Variants in MYO16 observed in about 807,000 individuals in gnomAD.
MYO16 encodes unconventional myosin-XVI.
In MYO16, 94 loss-of-function variants were observed where a neutral mutation model predicts 205.3. That is an observed-to-expected ratio of 0.46 (90% CI 0.39 to 0.54). The LOEUF (loss-of-function observed/expected upper bound fraction) is 0.54, where lower values mean the gene tolerates loss of function less well. MYO16 is among the 20% of genes least tolerant of loss of function. The pLI, the probability that MYO16 is intolerant of heterozygous loss-of-function variation, is 0.00. For missense variants in MYO16, 2,315 were observed against 2,387.5 expected (o/e 0.97, Z 0.63); for synonymous variants, 988 against 954.0 (o/e 1.04, Z -0.66).
intron 28 of MYO16, among the ~76,000 whole-genome samples, chr13:109,106,641 A>T (rs1889129265): frequency 6.6e-6 from 1 of 152,162 alleles, no homozygotes; most frequent in South Asian, 2.1e-4. Flanking sequence ...AGCCATCTGG[A>T]GGGATGACGA....
chr13:108,868,576 A>G (rs1369507129), intron 12 of MYO16, among the ~76,000 whole-genome samples: 1 of 152,110 alleles, frequency 6.6e-6, no homozygotes, highest in Non-Finnish European at 1.5e-5. Flanking sequence ...GTAGGGGTCA[A>G]GATTCATTTT....
intron 4 of MYO16, among the ~76,000 whole-genome samples, chr13:108,775,924 T>A (rs1886110281): frequency 6.6e-6 from 1 of 152,208 alleles, no homozygotes. Context: ...CTTAGCTTTG[T>A]CCTCTATCAT....
At chr13:108,997,221 G>T (rs1885031099) in intron 21 of MYO16, among the ~76,000 whole-genome samples, 1 of 151,726 alleles carries the variant, frequency 6.6e-6, no homozygotes, top group Non-Finnish European at 1.5e-5. Flanking sequence ...AACCTGGGAG[G>T]TTGAGGCTGC....
At chr13:108,744,230 G>T (rs962226629) in intron 4 of MYO16, among the ~76,000 whole-genome samples, 28 of 151,970 alleles carry the variant, frequency 1.8e-4, no homozygotes, top group African/African-American at 6.5e-4. Context: ...AGAAACGATT[G>T]ATTTTTTCCT....
At chr13:108,558,953 A>G in the MYO16 span, among the ~76,000 whole-genome samples, 2 of 151,338 alleles carry the variant, frequency 1.3e-5, no homozygotes, top group African/African-American at 4.9e-5. Context: ...CTTCACACAG[A>G]TCAATGAAGC....
chr13:108,680,114 A>T (rs1882400465), intron 2 of MYO16, among the ~76,000 whole-genome samples: 1 of 152,116 alleles, frequency 6.6e-6, no homozygotes, highest in Non-Finnish European at 1.5e-5. Context: ...CAGTGCCTGG[A>T]GCTGCTCCAA....
intron 33 of MYO16, among the ~76,000 whole-genome samples, chr13:109,168,613 G>A (rs895474981): frequency 2.0e-5 from 3 of 151,928 alleles, no homozygotes; most frequent in South Asian, 2.1e-4. Flanking sequence ...TAATCCCGGC[G>A]ACTCGGAAAG....
At chr13:108,498,903 T>C in the MYO16 span, among the ~76,000 whole-genome samples, 1 of 152,220 alleles carries the variant, frequency 6.6e-6, no homozygotes, top group Non-Finnish European at 1.5e-5. Flanking sequence ...GCCAATTTCC[T>C]ATGACTGAAT....
intron 31 of MYO16, among the ~76,000 whole-genome samples, chr13:109,135,085 T>C (rs1434151445): frequency 6.6e-6 from 1 of 152,106 alleles, no homozygotes; most frequent in Non-Finnish European, 1.5e-5. Flanking sequence ...TGTCCTCTTC[T>C]AACTGAAGAC....
rs1446693577 is a variant in MYO16, at chr13:109,206,748, C to A, written c.5555C>A (p.Pro1852Gln). ...HHAEPRVPPP[P>Q]PCKKPSLLKK... is the part of the protein sequence containing the mutation. ...GCTGAGCCCAGGGTGCCTCCCCCAC[C>A]ACCTTGCAAGAAGCCCAGCCTTCTG... Residue 1852 changes from proline (P) to glutamine (Q), a missense_variant, in exon 35 of 35, where the codon CCA (proline) becomes CAA (glutamine). By Grantham distance (76) the Pro-to-Gln change is moderately conservative (BLOSUM62 -1). This residue lies in a region of MYO16 where 1,097 missense variants were observed against 1,092.0 expected (regional missense o/e 1.00). Coordinates refer to ENST00000457511, the MANE Select transcript of MYO16 (RefSeq NM_001198950.3). The A allele has an allele frequency of 6.2e-7, 1 of 1,614,162 alleles. No homozygotes were observed. Among genetic ancestry groups the A allele is most frequent in the Non-Finnish European group, 8.5e-7 (1 of 1,180,030 alleles).
At chr13:108,702,818 A>G (rs1328445408) in intron 2 of MYO16, among the ~76,000 whole-genome samples, 1 of 152,178 alleles carries the variant, frequency 6.6e-6, no homozygotes, top group African/African-American at 2.4e-5. Context: ...AGCTGACTAT[A>G]TAACAGCAAA....
intron 11 of MYO16, among the ~76,000 whole-genome samples, chr13:108,858,332 A>G (rs1338460898): frequency 1.3e-5 from 2 of 152,158 alleles, no homozygotes; most frequent in South Asian, 2.1e-4. Context: ...AAAACAAGTG[A>G]TCCTTCCCCA....
At chr13:109,002,406 G>A (rs1367894703) in intron 21 of MYO16, among the ~76,000 whole-genome samples, 1 of 152,208 alleles carries the variant, frequency 6.6e-6, no homozygotes, top group Non-Finnish European at 1.5e-5. Flanking sequence ...GAGCCATCTG[G>A]ATAAGCAATA....
intron 27 of MYO16, among the ~76,000 whole-genome samples, chr13:109,063,408 C>G (rs1223344955): frequency 6.6e-6 from 1 of 152,130 alleles, no homozygotes; most frequent in Non-Finnish European, 1.5e-5. Flanking sequence ...ATAAAAGAAG[C>G]AGCAGGAAAA....
intron 10 of MYO16, among the ~76,000 whole-genome samples, chr13:108,848,355 G>A (rs9521071): frequency 0.12 from 17,975 of 152,200 alleles, 1,102 homozygotes; most frequent in South Asian, 0.23. Flanking sequence ...AAAATAATGT[G>A]TTATGTTGGT....
intron 9 of MYO16, among the ~76,000 whole-genome samples, chr13:108,825,176 C>A (rs546477904): frequency 7.9e-5 from 12 of 151,998 alleles, no homozygotes; most frequent in Non-Finnish European, 1.8e-4. Flanking sequence ...GGTTGAGCCA[C>A]ATATAAAAAG....
At chr13:109,083,726 C>T (rs1324692632) in intron 27 of MYO16, among the ~76,000 whole-genome samples, 1 of 152,146 alleles carries the variant, frequency 6.6e-6, no homozygotes, top group Non-Finnish European at 1.5e-5. Context: ...TTTATAAGGG[C>T]AGGTTCCTTG....
chr13:108,813,152 G>A (rs1484280982), intron 7 of MYO16, among the ~76,000 whole-genome samples: 1 of 152,124 alleles, frequency 6.6e-6, no homozygotes, highest in Non-Finnish European at 1.5e-5. Context: ...GAAATACAAG[G>A]ACAATTACAT....
intron 1 of MYO16, among the ~76,000 whole-genome samples, chr13:108,653,596 GTATGT>G (rs1881108654): frequency 6.6e-6 from 1 of 151,592 alleles, no homozygotes; most frequent in Admixed American, 6.6e-5. Context: ...TTTTTTGCAT[GTATGT>G]TATTTTTGTT....
Sources: allele counts gnomAD v4.1 joint callset (sites outside exome capture counted in the v4.1 genomes callset), GRCh38; gene constraint gnomAD v4.1.1; regional missense constraint gnomAD v4.1.1; transcripts MANE v1.5; gene names NCBI Gene and HGNC (gene_info 2026-07-23, HGNC 2026-07-21).